Variants in KAZN observed in about 807,000 individuals in gnomAD.
The protein encoded by KAZN is kazrin, periplakin interacting protein.
In KAZN, 40 loss-of-function variants were observed where a neutral mutation model predicts 87.4. The observed-to-expected ratio is 0.46, with a 90% CI of 0.36 to 0.60. The LOEUF (loss-of-function observed/expected upper bound fraction) is 0.60, where lower values mean the gene tolerates loss of function less well. Among genes scored for constraint, KAZN ranks in the 20% least tolerant of loss-of-function variants. The pLI is 0.00. For missense variants in KAZN, 898 were observed against 1,073.9 expected (o/e 0.84, Z 2.29); for synonymous variants, 466 against 458.3 (o/e 1.02, Z -0.22).
intron 2 of KAZN, among the ~76,000 whole-genome samples, chr1:14,524,997 C>G (rs1212522718): frequency 6.6e-6 from 1 of 152,370 alleles, no homozygotes; most frequent in Admixed American, 6.5e-5. Flanking sequence ...CAGTGATCTA[C>G]TCCAAACCCC....
intron 2 of KAZN, among the ~76,000 whole-genome samples, chr1:14,188,194 CGTGTGTGTGT>C (rs3033865): frequency 0.019 from 2,721 of 140,138 alleles, 48 homozygotes; most frequent in Non-Finnish European, 0.031. Flanking sequence ...GAGAGAGGAG[CGTGTGTGTGT>C]GTGTGTGTGT....
intron 2 of KAZN, among the ~76,000 whole-genome samples, chr1:14,206,912 A>G (rs1272400780): frequency 1.3e-5 from 2 of 151,908 alleles, no homozygotes; most frequent in Non-Finnish European, 2.9e-5. Flanking sequence ...TAAATGGTAG[A>G]GTAAATGATT....
intron 2 of KAZN, among the ~76,000 whole-genome samples, chr1:14,464,049 T>C (rs1667987992): frequency 6.6e-6 from 1 of 152,140 alleles, no homozygotes; most frequent in African/African-American, 2.4e-5. Flanking sequence ...CTTGACCAAG[T>C]AGTGTGGGGC....
intron 1 of KAZN, among the ~76,000 whole-genome samples, chr1:14,124,693 C>A (rs1271119554): frequency 8.0e-6 from 1 of 124,330 alleles, no homozygotes; most frequent in African/African-American, 3.4e-5. Context: ...CATCAGTCCC[C>A]TCGAGTGCTG....
rs564225828 is a variant in KAZN at position 14,842,956 on chromosome 1, T to C, written c.227-117728T>C. Among the ~76,000 whole-genome samples the C allele has an allele frequency of 5.3e-5, 8 of 152,328 alleles. No homozygotes were observed. In the South Asian group the frequency reaches 1.7e-3, roughly 32 times the overall value. ...TAATGTGATGTGATTGGTATATTGC[T>C]GTTTCTCGGCTTACCCAAGAAACAT... is the stretch of plus-strand genomic sequence containing the variant. On this transcript the variant is annotated intron_variant, in intron 1 of 14. Transcript: ENST00000376030.
intron 1 of KAZN, among the ~76,000 whole-genome samples, chr1:13,911,184 A>G (rs750365090): frequency 5.9e-4 from 90 of 152,080 alleles, no homozygotes; most frequent in Non-Finnish European, 1.0e-3. Flanking sequence ...AAGCAACTGG[A>G]GTTACAGGTG....
chr1:14,773,324 C>CA lies in KAZN; in HGVS notation c.226+174102dup, dbSNP rs1212398330. On this transcript the variant is annotated intron_variant, in intron 1 of 14. Coordinates refer to ENST00000376030, the MANE Select transcript of KAZN (RefSeq NM_201628.3). This position sits in a 1 kb window ranked among gnomAD's most constrained non-coding sequence, Gnocchi z 5.9. ...CCTGGCGTATGAGAAGACCACCCCC[C>CA]ACCCAATCCACCTCCCACCTCACCT... is the stretch of plus-strand genomic sequence containing the variant. 2.6e-5 allele frequency among the ~76,000 whole-genome samples: 4 copies of CA among 152,232 alleles called. No individual in the cohort carries two copies. The highest frequency in any genetic ancestry group is 3.9e-4 in the East Asian group (2 of 5,156).
At chr1:14,026,899 C>A (rs1476612853) in intron 1 of KAZN, among the ~76,000 whole-genome samples, 2 of 152,008 alleles carry the variant, frequency 1.3e-5, no homozygotes, top group African/African-American at 4.8e-5. Flanking sequence ...GAGGAACAGC[C>A]AGATGGGGGA....
chr1:14,883,355 A>AGAGAGAGAGAGAGAGAGAGAGAGGAAAG (rs1553150619), intron 1 of KAZN, among the ~76,000 whole-genome samples: 1 of 20,600 alleles, frequency 4.9e-5, no homozygotes, highest in South Asian at 3.4e-3. Flanking sequence ...AGAAAGAAAG[A>AGAGAGAGAGAGAGAGAGAGAGAGGAAAG]AAAGAAAGAA....
chr1:14,491,051 T>C (rs1484493737), intron 2 of KAZN, among the ~76,000 whole-genome samples: 1 of 152,242 alleles, frequency 6.6e-6, no homozygotes, highest in Non-Finnish European at 1.5e-5. Flanking sequence ...TTTATACATT[T>C]GTTCACATCT....
intron 1 of KAZN, among the ~76,000 whole-genome samples, chr1:14,898,881 C>T (rs1411789585): frequency 6.6e-6 from 1 of 152,130 alleles, no homozygotes; most frequent in African/African-American, 2.4e-5. Flanking sequence ...TCAAAATGTC[C>T]CTGAAGTGCC....
intron 1 of KAZN, among the ~76,000 whole-genome samples, chr1:14,869,221 C>A (rs1185770413): frequency 6.6e-6 from 1 of 152,100 alleles, no homozygotes; most frequent in Non-Finnish European, 1.5e-5. Flanking sequence ...TCCTTTAAAT[C>A]TCCACTTCCC....
At chr1:14,775,106 C>T (rs4661528) in intron 1 of KAZN, among the ~76,000 whole-genome samples, 21,367 of 152,140 alleles carry the variant, frequency 0.14, 1,614 homozygotes, top group African/African-American at 0.2. Flanking sequence ...ATAGACAGTG[C>T]TTGGTGCATA....
At chr1:14,095,778 A>G (rs951523877) in intron 1 of KAZN, among the ~76,000 whole-genome samples, 1 of 152,154 alleles carries the variant, frequency 6.6e-6, no homozygotes, top group Non-Finnish European at 1.5e-5. Flanking sequence ...TGTTCCAGCA[A>G]ACAAACAGAA....
chr1:14,073,787 T>G (rs906581220), intron 1 of KAZN, among the ~76,000 whole-genome samples: 2 of 152,222 alleles, frequency 1.3e-5, no homozygotes, highest in African/African-American at 4.8e-5. Context: ...ATTGTCTTTA[T>G]CCAGTCTATC....
intron 1 of KAZN, among the ~76,000 whole-genome samples, chr1:14,075,973 G>C (rs1353356785): frequency 6.6e-6 from 1 of 152,144 alleles, no homozygotes; most frequent in Non-Finnish European, 1.5e-5. Flanking sequence ...GGTCATTAGG[G>C]TGGGATTTAT....
chr1:14,961,246 C>G (rs1663827910), intron 2 of KAZN, among the ~76,000 whole-genome samples: 1 of 152,210 alleles, frequency 6.6e-6, no homozygotes, highest in South Asian at 2.1e-4. Context: ...TGTGGCTACG[C>G]TGATTTCTCT....
chr1:15,054,506 G>A (rs1674730198), intron 4 of KAZN, among the ~76,000 whole-genome samples: 1 of 152,094 alleles, frequency 6.6e-6, no homozygotes, highest in Non-Finnish European at 1.5e-5. Flanking sequence ...AAAAAAATTA[G>A]CTGGGCATGG....
chr1:14,285,593 C>T (rs866607488), intron 2 of KAZN, among the ~76,000 whole-genome samples: 35 of 152,290 alleles, frequency 2.3e-4, no homozygotes, highest in African/African-American at 7.5e-4. Context: ...AATGCCTACT[C>T]GCCACTTTAT....
Sources: allele counts gnomAD v4.1 joint callset (sites outside exome capture counted in the v4.1 genomes callset), GRCh38; gene constraint gnomAD v4.1.1; non-coding constraint Gnocchi (gnomAD v3.1); transcripts MANE v1.5; gene names NCBI Gene and HGNC (gene_info 2026-07-23, HGNC 2026-07-21).